UPF2: variants seen among roughly 807,000 people sequenced by gnomAD.
UPF2 encodes the protein regulator of nonsense transcripts 2.
UPF2 carries 17 observed loss-of-function variants against 141.4 expected under a neutral mutation model. The ratio of observed to expected loss-of-function variants is 0.12; its 90% CI spans 0.08 to 0.18. UPF2 has a LOEUF of 0.18. Ranked by LOEUF, UPF2 falls within the 10% of genes least tolerant of loss-of-function variation. The pLI is 1.00. For synonymous variants in UPF2, 540 were observed against 498.0 expected (o/e 1.08, Z -1.12); for missense variants, 1,152 against 1,515.9 (o/e 0.76, Z 3.99).
Position 12,029,173 on chromosome 10 carries a change from T to C in UPF2, c.717A>G (p.Ser239=), listed in dbSNP as rs1412869947. 1.9e-6 allele frequency: 3 copies of C among 1,614,052 alleles called. No individual in the cohort carries two copies. In the Admixed American group the frequency reaches 5.0e-5, roughly 27 times the overall value. ...FHQRYADFAP[S]LLQVWKKHFE... is the part of the protein sequence containing the mutation. ...AATGTTTTTTCCAGACCTGAAGAAG[T>C]GATGGGGCAAAGTCAGCATAACGCT... The change falls in exon 3 of 22, where the codon TCA becomes TCG. Residue 239 remains serine, a synonymous_variant. Transcript: ENST00000357604.
Position 12,001,803 on chromosome 10 carries a change from A to C in UPF2, c.1527T>G (p.Asn509Lys). Reference protein sequence around the residue: ...DTKEAKESKENKEVSSPDDLE... With the variant: ...DTKEAKESKEKKEVSSPDDLE... ...AATCATCGGGACTTGATACCTCCTT[A>C]TTCTCCTTAGATTCTTTTGCCTCTG... is the stretch of plus-strand genomic sequence containing the variant. Residue 509 changes from asparagine to lysine, a missense_variant, in exon 6 of 22, where the codon AAT becomes AAG. Asn to Lys is a moderately conservative substitution (Grantham distance 94). Around this residue, in one of 4 missense-constraint regions of UPF2, gnomAD observed 739 missense variants for 1,032.2 expected, o/e 0.72. Coordinates refer to ENST00000357604, the MANE Select transcript of UPF2 (RefSeq NM_015542.4). 1.2e-6 allele frequency: 2 copies of C among 1,605,300 alleles called. No homozygotes were observed. The highest frequency in any genetic ancestry group is 1.7e-6 in the Non-Finnish European group (2 of 1,176,988).
chr10:12,024,430 C>T (rs903196779), intron 3 of UPF2, among the ~76,000 whole-genome samples: 24 of 151,378 alleles, frequency 1.6e-4, no homozygotes, highest in African/African-American at 5.6e-4. Flanking sequence ...GGCAACATGG[C>T]GAAACCCCGT....
At position 11,973,743 on chromosome 10, in the gene UPF2, T is replaced by C. The variant is rs573841525; in HGVS notation, c.1953+5314A>G. 9.8e-5 allele frequency among the ~76,000 whole-genome samples: 15 copies of C among 152,318 alleles called. No individual in the cohort carries two copies. In the South Asian group the frequency reaches 2.5e-3, roughly 25 times the overall value. ...GGCTCTGTTCTGTTCCATTGGTCTA[T>C]ATCTCTATTTTGGTACCAGTACCAT... On this transcript the variant is annotated intron_variant, in intron 9 of 21. Coordinates refer to ENST00000357604, the MANE Select transcript of UPF2 (RefSeq NM_015542.4).
rs376950351 is a variant in UPF2 at position 11,942,787 on chromosome 10, T to G, written c.3280-24A>C. 810 of 1,603,912 alleles carry G rather than the reference T, an allele frequency of 5.1e-4. 3 individuals are homozygous for G. The highest frequency in any genetic ancestry group is 1.0e-3 in the South Asian group (90 of 90,176). On this transcript the variant is annotated intron_variant, in intron 17 of 21. Transcript: ENST00000357604. ...TCCTTATTAAAACAAAACAACAAAA[T>G]CAGACCAGAAATTTTAACTGTAATG...
chr10:11,932,210 T>C (rs1314250414), intron 19 of UPF2, among the ~76,000 whole-genome samples: 2 of 151,808 alleles, frequency 1.3e-5, no homozygotes, highest in Admixed American at 1.3e-4. Flanking sequence ...AAGTTGCAAC[T>C]CTAAGATGTT....
rs1832897191 is a variant in UPF2 at position 11,938,868 on chromosome 10, T to TTTTTTTTTTTTG, written c.3379-2157_3379-2156insCAAAAAAAAAAA. On this transcript the variant is annotated intron_variant, in intron 18 of 21. Transcript: ENST00000357604. ...TTTTTTTTTTGTTTTTTTTTTTTTT[T>TTTTTTTTTTTTG]TTTTTTTTTTTTTTGGAGACGGAGT... Among the ~76,000 whole-genome samples the TTTTTTTTTTTTG allele has an allele frequency of 1.5e-3, 134 of 90,830 alleles. 1 individual carries two copies. The highest frequency in any genetic ancestry group is 6.3e-3 in the Middle Eastern group (1 of 158). The allele number at this position is 90,830 out of a possible 152,430, so 59.6% of individuals were successfully genotyped here.
intron 21 of UPF2, among the ~76,000 whole-genome samples, chr10:11,924,735 G>A (rs1007197721): frequency 6.6e-5 from 10 of 151,920 alleles, no homozygotes; most frequent in African/African-American, 2.2e-4. Flanking sequence ...GATTACAGGC[G>A]TGAGCCACTG....
At chr10:11,938,868 T>TGTTTTGTTTTTTG (rs1340961677) in intron 18 of UPF2, among the ~76,000 whole-genome samples, 1 of 90,822 alleles carries the variant, frequency 1.1e-5, no homozygotes, top group African/African-American at 3.7e-5. Flanking sequence ...TTTTTTTTTT[T>TGTTTTGTTTTTTG]TTTTTTTTTT....
chr10:11,995,532 C>T (rs979987453), intron 8 of UPF2, among the ~76,000 whole-genome samples: 4 of 152,148 alleles, frequency 2.6e-5, no homozygotes, highest in African/African-American at 9.7e-5. Context: ...CACATCTAAT[C>T]CCAGCACTTT....
In UPF2 at chr10:11,936,533, G is replaced by C. The variant is rs781383582; in HGVS notation, c.3546+12C>G. 1 of 1,588,106 alleles carries C rather than the reference G, an allele frequency of 6.3e-7. No individual in the cohort carries two copies. The highest frequency in any genetic ancestry group is 2.2e-5 in the East Asian group (1 of 44,510). On this transcript the variant is annotated intron_variant, in intron 19 of 21. Transcript: ENST00000357604. This position sits in a 1 kb window ranked among gnomAD's most constrained non-coding sequence, Gnocchi z 6.6. ...ACAATCAGCTATAATTACAGGGCGG[G>C]CAGTTTCTTACCTGCTGTTTATTGC... is the stretch of plus-strand genomic sequence containing the variant.
At chr10:11,971,131 TTA>T (rs1402157793) in intron 9 of UPF2, among the ~76,000 whole-genome samples, 2 of 152,304 alleles carry the variant, frequency 1.3e-5, no homozygotes, top group Non-Finnish European at 2.9e-5. Flanking sequence ...AAATGAAGTG[TTA>T]TAAATCAATG....
At chr10:11,958,134 C>T (rs1326760234) in intron 12 of UPF2, among the ~76,000 whole-genome samples, 1 of 152,062 alleles carries the variant, frequency 6.6e-6, no homozygotes, top group Non-Finnish European at 1.5e-5. Flanking sequence ...AGGAGGATTG[C>T]TTGAGCCCAG....
At chr10:11,988,963 C>A (rs1833738325) in intron 8 of UPF2, among the ~76,000 whole-genome samples, 1 of 152,192 alleles carries the variant, frequency 6.6e-6, no homozygotes, top group African/African-American at 2.4e-5. Flanking sequence ...CTACTCCAGG[C>A]TCCCTAGGGA....
rs549013335 is a variant in UPF2, at chr10:11,984,112, G to A, written c.1845-4947C>T. On this transcript the variant is annotated intron_variant, in intron 8 of 21. Transcript: ENST00000357604. ...CTAAGTGTGTATTTTTAGTAGAGAC[G>A]GGGTTTCTCCATGTTGGTCAGGGTG... is the stretch of plus-strand genomic sequence containing the variant. 1.7e-4 allele frequency among the ~76,000 whole-genome samples: 26 copies of A among 152,022 alleles called. No individual in the cohort carries two copies. The South Asian group carries it at 2.9e-3, about 17-fold the overall frequency.
At chr10:11,984,668 C>A (rs1833656765) in intron 8 of UPF2, among the ~76,000 whole-genome samples, 1 of 150,916 alleles carries the variant, frequency 6.6e-6, no homozygotes, top group Non-Finnish European at 1.5e-5. Context: ...CTAAGTGGCC[C>A]AATCTACTGA....
At chr10:12,001,106 G>A (rs1448124117) in intron 6 of UPF2, among the ~76,000 whole-genome samples, 4 of 152,114 alleles carry the variant, frequency 2.6e-5, no homozygotes, top group South Asian at 2.1e-4. Flanking sequence ...AAGGGGTAGC[G>A]AGAAAAGTAT....
intron 3 of UPF2, 95 bp downstream of exon 3, chr10:12,028,650 T>C: frequency 7.5e-7 from 1 of 1,330,064 alleles, no homozygotes. Flanking sequence ...AGGAGCCCTT[T>C]TCCATAAGTT....
chr10:11,998,845 C>T lies in UPF2; in HGVS notation c.1758+1061G>A, dbSNP rs918985120. Among the ~76,000 whole-genome samples, 3 of 152,016 alleles carry T rather than the reference C, an allele frequency of 2.0e-5. No individual in the cohort carries two copies. The highest frequency in any genetic ancestry group is 2.4e-5 in the African/African-American group (1 of 41,468). Reference sequence around the variant, plus strand: ...CTCCAGCCTGGGCAACAGAGCAAGACTCCGTCTCAAAAAAATAAAAAATAA... The same window carrying T: ...CTCCAGCCTGGGCAACAGAGCAAGATTCCGTCTCAAAAAAATAAAAAATAA... On this transcript the variant is annotated intron_variant, in intron 7 of 21. Coordinates refer to ENST00000357604, the MANE Select transcript of UPF2 (RefSeq NM_015542.4). The surrounding 1 kb of genome is among the most constrained non-coding windows in gnomAD (Gnocchi z 4.5).
chr10:11,943,766 A>T (rs1429423679), intron 16 of UPF2, among the ~76,000 whole-genome samples: 1 of 152,108 alleles, frequency 6.6e-6, no homozygotes, highest in Non-Finnish European at 1.5e-5. Flanking sequence ...TAAGCAGAAG[A>T]CCTGGCCTTT....
Sources: gnomAD v4.1 joint callset for allele counts (sites outside exome capture counted in the v4.1 genomes callset) on GRCh38, gnomAD v4.1.1 for gene constraint, gnomAD v4.1.1 regional missense constraint, Gnocchi (gnomAD v3.1) non-coding constraint, MANE v1.5 for transcripts, NCBI Gene and HGNC (gene_info 2026-07-23, HGNC 2026-07-21) for gene names.